Variants in FRZB observed in about 807,000 individuals in gnomAD.
FRZB encodes secreted frizzled-related protein 3.
A neutral mutation model predicts 32.5 loss-of-function variants in FRZB; 34 were observed. The ratio of observed to expected loss-of-function variants is 1.05; its 90% CI spans 0.80 to 1.39. The LOEUF (loss-of-function observed/expected upper bound fraction) is 1.39. Ranked by LOEUF, FRZB falls within the 40% of genes most tolerant of loss-of-function variation. FRZB has a pLI of 0.00. For missense variants in FRZB, 423 were observed against 424.8 expected, an observed-to-expected ratio of 1.00 and a Z score of 0.04; for synonymous variants, 170 against 159.2, an observed-to-expected ratio of 1.07 and a Z score of -0.51.
At position 182,834,602 on chromosome 2, in the gene FRZB, T is replaced by G; in HGVS notation, c.*247A>C. The stretch of plus-strand genomic sequence containing the variant: ...ATTATTATTGCAAAAGAACAGTTTT[T>G]CTCATGATTAGTGAAATAGAAAACT... On this transcript the variant is annotated 3_prime_UTR_variant, in exon 6 of 6. Coordinates refer to ENST00000295113, the MANE Select transcript of FRZB (RefSeq NM_001463.4). The G allele has an allele frequency of 2.2e-6, 1 of 462,676 alleles. No homozygotes were observed. The highest frequency in any genetic ancestry group is 3.9e-6 in the Non-Finnish European group (1 of 258,438). The allele number at this position is 462,676 out of a possible 1,614,324, so 28.7% of individuals were successfully genotyped here.
Position 182,842,548 on chromosome 2 carries a change from A to T in FRZB, c.527-5T>A, listed in dbSNP as rs1367010256. 5 of 1,607,866 alleles carry T rather than the reference A, an allele frequency of 3.1e-6. No homozygotes were observed. Among genetic ancestry groups the T allele is most frequent in the Non-Finnish European group, 4.3e-6 (5 of 1,175,040 alleles). ...TAGGCTTACATTTACAGCGTTCTGA[A>T]AAACACATTTTAGTTATAAGCACAT... On this transcript the variant is annotated splice_polypyrimidine_tract_variant and splice_region_variant and intron_variant, in intron 2 of 5. Transcript: ENST00000295113.
rs555830920 is a variant in FRZB at position 182,854,172 on chromosome 2, G to T, written c.526+4614C>A. Among the ~76,000 whole-genome samples, 170 of 152,276 alleles carry T rather than the reference G, an allele frequency of 1.1e-3. 1 individual carries two copies. Among genetic ancestry groups the T allele is most frequent in the Non-Finnish European group, 1.9e-3 (131 of 68,020 alleles). On this transcript the variant is annotated intron_variant, in intron 2 of 5. Coordinates refer to ENST00000295113, the MANE Select transcript of FRZB (RefSeq NM_001463.4). Reference sequence around the variant, plus strand: ...GGGGGTAGTGACTTGGAGGCTTCTGGAGTGCTGGTAATGTTACATATCTTG... The same window carrying T: ...GGGGGTAGTGACTTGGAGGCTTCTGTAGTGCTGGTAATGTTACATATCTTG...
At chr2:182,837,893 T>C in intron 5 of FRZB, 55 bp downstream of exon 5, 1 of 1,394,450 alleles carries the variant, frequency 7.2e-7, no homozygotes, top group Non-Finnish European at 1.0e-6. Flanking sequence ...ATGGCTGGTT[T>C]TCTACTTTTG....
intron 2 of FRZB, among the ~76,000 whole-genome samples, chr2:182,852,101 G>A (rs1695716615): frequency 6.6e-6 from 1 of 152,148 alleles, no homozygotes; most frequent in East Asian, 1.9e-4. Context: ...GTGGAAGTTG[G>A]CTCTACAGTC....
intron 2 of FRZB, among the ~76,000 whole-genome samples, chr2:182,845,741 A>G (rs1187013247): frequency 1.3e-5 from 2 of 152,170 alleles, no homozygotes; most frequent in African/African-American, 2.4e-5. Flanking sequence ...ACCAGCAGCC[A>G]TGGAAAGGAC....
At chr2:182,843,468 T>A (rs169641) in intron 2 of FRZB, among the ~76,000 whole-genome samples, 1 of 152,138 alleles carries the variant, frequency 6.6e-6, no homozygotes, top group Non-Finnish European at 1.5e-5. Flanking sequence ...TACACAATTA[T>A]CTTAAAATAT....
intron 3 of FRZB, 64 bp downstream of exon 3, chr2:182,842,414 T>A (rs867228255): frequency 9.0e-7 from 1 of 1,111,236 alleles, no homozygotes; most frequent in Non-Finnish European, 1.4e-6. Flanking sequence ...CACATCCTCA[T>A]AGGTGCATCC....
chr2:182,844,285 G>C (rs1453797050), intron 2 of FRZB, among the ~76,000 whole-genome samples: 2 of 152,054 alleles, frequency 1.3e-5, no homozygotes, highest in Non-Finnish European at 2.9e-5. Context: ...TTGCTATTTT[G>C]ACAAAAACTA....
chr2:182,834,618 A>C lies in FRZB; in HGVS notation c.*231T>G. 2.0e-6 allele frequency: 1 copy of C among 492,692 alleles called. No individual in the cohort carries two copies. Among genetic ancestry groups the C allele is most frequent in the Non-Finnish European group, 3.6e-6 (1 of 275,654 alleles). The allele number at this position is 492,692 out of a possible 1,614,324, so 30.5% of individuals were successfully genotyped here. On this transcript the variant is annotated 3_prime_UTR_variant, in exon 6 of 6. Coordinates refer to ENST00000295113, the MANE Select transcript of FRZB (RefSeq NM_001463.4). ...AACAGTTTTTCTCATGATTAGTGAA[A>C]TAGAAAACTCACAATATACTTAAGA...
At chr2:182,860,423 T>C (rs1028053970) in intron 1 of FRZB, among the ~76,000 whole-genome samples, 1 of 152,148 alleles carries the variant, frequency 6.6e-6, no homozygotes, top group Admixed American at 6.5e-5. Flanking sequence ...GAGACCATTA[T>C]CATCCTATGG....
chr2:182,858,333 A>G (rs1305348850), intron 2 of FRZB, among the ~76,000 whole-genome samples: 1 of 152,216 alleles, frequency 6.6e-6, no homozygotes, highest in Non-Finnish European at 1.5e-5. Context: ...GGAATGCACC[A>G]TTGATATATG....
chr2:182,863,905 T>TC (rs1490451981), intron 1 of FRZB, among the ~76,000 whole-genome samples: 1 of 151,928 alleles, frequency 6.6e-6, no homozygotes, highest in African/African-American at 2.4e-5. Flanking sequence ...AATTTCCACC[T>TC]CCCCCCACCT....
chr2:182,846,200 A>G (rs1452983444), intron 2 of FRZB, among the ~76,000 whole-genome samples: 4 of 152,360 alleles, frequency 2.6e-5, no homozygotes, highest in East Asian at 1.9e-4. Flanking sequence ...TGATACAGCT[A>G]TGAAATATGA....
Position 182,833,942 on chromosome 2 carries a change from G to T in FRZB, c.*907C>A, listed in dbSNP as rs978147187. ...CTTTTAAAAACTAACCCTGGTGCACGTGCATACATAATCTTTTCCTGGTCA... is the reference window on the plus strand; with the variant it reads ...CTTTTAAAAACTAACCCTGGTGCACTTGCATACATAATCTTTTCCTGGTCA... On this transcript the variant is annotated 3_prime_UTR_variant, in exon 6 of 6. Transcript: ENST00000295113. The T allele has an allele frequency of 2.6e-5, 4 of 151,862 alleles. No homozygotes were observed. The South Asian group carries it at 8.3e-4, about 32-fold the overall frequency. 9.4% of individuals were successfully genotyped at this position (151,862 alleles called of 1,614,324 possible).
chr2:182,860,905 T>A (rs1176416772), intron 1 of FRZB, among the ~76,000 whole-genome samples: 1 of 149,338 alleles, frequency 6.7e-6, no homozygotes, highest in Non-Finnish European at 1.5e-5. Context: ...AGGCCTGGAC[T>A]ACTAAGGTAT....
intron 2 of FRZB, among the ~76,000 whole-genome samples, chr2:182,843,492 A>C (rs1695606984): frequency 6.6e-6 from 1 of 152,202 alleles, no homozygotes; most frequent in African/African-American, 2.4e-5. Flanking sequence ...ATTATATGTA[A>C]AGATTTCTTT....
chr2:182,842,608 T>G, intron 2 of FRZB, 65 bp from the exon 3 acceptor site: 1 of 1,334,228 alleles, frequency 7.5e-7, no homozygotes. Context: ...TTGCTCAGAC[T>G]CACATTTTTT....
intron 2 of FRZB, among the ~76,000 whole-genome samples, chr2:182,854,992 A>G (rs77571881): frequency 0.026 from 3,906 of 152,310 alleles, 74 homozygotes; most frequent in Non-Finnish European, 0.041. Flanking sequence ...TGTATCACAG[A>G]TTTCAAAAAC....
chr2:182,856,628 AG>A (rs1200475280), intron 2 of FRZB, among the ~76,000 whole-genome samples: 10 of 152,168 alleles, frequency 6.6e-5, no homozygotes, highest in Non-Finnish European at 1.3e-4. Context: ...GGATAGAAAA[AG>A]TTTTGCCCTG....
Sources: allele counts gnomAD v4.1 joint callset (sites outside exome capture counted in the v4.1 genomes callset), GRCh38; gene constraint gnomAD v4.1.1; transcripts MANE v1.5; gene names NCBI Gene and HGNC (gene_info 2026-07-23, HGNC 2026-07-21).